The following PCDHGA5 variants were observed in gnomAD, a reference collection of about 807,000 sequenced individuals.
The protein encoded by PCDHGA5 is protocadherin gamma-A5.
PCDHGA5 carries 36 observed loss-of-function variants against 56.7 expected under a neutral mutation model. The observed-to-expected ratio is 0.64, with a 90% CI of 0.49 to 0.84. PCDHGA5 has a LOEUF of 0.84. PCDHGA5 is among the 40% of genes least tolerant of loss of function. The probability of loss-of-function intolerance (pLI) is 0.00; values close to 1 mark genes in which losing one functional copy is unlikely to be tolerated. For synonymous variants in PCDHGA5, 563 were observed against 520.2 expected (o/e 1.08, Z -1.12); for missense variants, 1,305 against 1,201.5 (o/e 1.09, Z -1.27).
At chr5:141,474,658 A>G (rs950490550) in intron 1 of PCDHGA5, among the ~76,000 whole-genome samples, 13 of 152,176 alleles carry the variant, frequency 8.5e-5, no homozygotes, top group African/African-American at 3.1e-4. Flanking sequence ...CTTCTTTTCT[A>G]CCTACCTAAC....
chr5:141,424,055 C>A, intron 1 of PCDHGA5: 2 of 1,007,784 alleles, frequency 2.0e-6, no homozygotes, highest in Non-Finnish European at 1.2e-6. Context: ...TTTTGCTGTG[C>A]CTTCACTGAT....
chr5:141,415,305 C>G (rs200439097), intron 1 of PCDHGA5: 1 of 1,614,234 alleles, frequency 6.2e-7, no homozygotes, highest in African/African-American at 1.3e-5. Context: ...TCTTCCTGGC[C>G]TTCGTCATCG....
chr5:141,400,462 G>T lies in PCDHGA5; in HGVS notation c.2421+33711G>T, dbSNP rs141917215. 2.3e-4 allele frequency: 379 copies of T among 1,614,062 alleles called. 2 individuals carry two copies. The African/African-American group carries it at 4.7e-3, about 20-fold the overall frequency. The stretch of plus-strand genomic sequence containing the variant: ...TTCAGGACAAGACATACTTTGTGGT[G>T]ATTCATCTGGGGCCTTATTTCCACT... On this transcript the variant is annotated intron_variant, in intron 1 of 3. Transcript: ENST00000518069.
chr5:141,399,830 C>G (rs1304936728), intron 1 of PCDHGA5: 1 of 1,613,192 alleles, frequency 6.2e-7, no homozygotes. Flanking sequence ...CCCGACGGCT[C>G]TGCGCTCTTC....
At chr5:141,465,229 A>G (rs1010075158) in intron 1 of PCDHGA5, among the ~76,000 whole-genome samples, 6 of 152,208 alleles carry the variant, frequency 3.9e-5, no homozygotes, top group Non-Finnish European at 2.9e-5. Flanking sequence ...CATGAGCTCC[A>G]TCAAGTTCAA....
intron 1 of PCDHGA5, chr5:141,423,296 T>G (rs771340929): frequency 6.2e-7 from 1 of 1,614,124 alleles, no homozygotes; most frequent in Non-Finnish European, 8.5e-7. Context: ...ACCTCAGACC[T>G]CTCGCTGTAC....
chr5:141,389,873 C>T (rs767569258), intron 1 of PCDHGA5: 2 of 1,614,070 alleles, frequency 1.2e-6, no homozygotes, highest in Admixed American at 1.7e-5. Context: ...TGGTCTTCGC[C>T]GACAGCTTGC....
chr5:141,509,699 C>T (rs779592471), intron 3 of PCDHGA5, among the ~76,000 whole-genome samples: 4 of 152,168 alleles, frequency 2.6e-5, no homozygotes, highest in Non-Finnish European at 5.9e-5. Flanking sequence ...GGACGTTGGA[C>T]TGGAGGTGCT....
intron 1 of PCDHGA5, among the ~76,000 whole-genome samples, chr5:141,463,725 C>A (rs1259646105): frequency 6.6e-6 from 1 of 152,026 alleles, no homozygotes. Flanking sequence ...GGATTACAGG[C>A]ATGAGCCACC....
intron 1 of PCDHGA5, chr5:141,418,165 T>G (rs1296752918): frequency 6.2e-7 from 1 of 1,614,034 alleles, no homozygotes. Flanking sequence ...GAAGAAGATG[T>G]GAGTTGCAAT....
chr5:141,376,310 G>C, intron 1 of PCDHGA5: 1 of 1,613,946 alleles, frequency 6.2e-7, no homozygotes. Flanking sequence ...CTTTGTGGGC[G>C]TGGAAGGGGT....
Position 141,476,966 on chromosome 5 carries a change from G to T in PCDHGA5, c.2422-17841G>T, listed in dbSNP as rs780645226. The T allele has an allele frequency of 6.2e-7, 1 of 1,614,152 alleles. No homozygotes were observed. Among genetic ancestry groups the T allele is most frequent in the Admixed American group, 1.7e-5 (1 of 60,032 alleles). On this transcript the variant is annotated intron_variant, in intron 1 of 3. Coordinates refer to ENST00000518069, the MANE Select transcript of PCDHGA5 (RefSeq NM_018918.3). The surrounding 1 kb of genome is among the most constrained non-coding windows in gnomAD (Gnocchi z 7.6). Reference sequence around the variant, plus strand: ...CAACGGTGAAATTATTTACTCCTTCGGCAGCCACAACCGCGCCGGCGTGCG... The same window carrying T: ...CAACGGTGAAATTATTTACTCCTTCTGCAGCCACAACCGCGCCGGCGTGCG...
chr5:141,371,913 G>A lies in PCDHGA5; in HGVS notation c.2421+5162G>A, dbSNP rs569737317. ...GCGGGAGCTGTCGTCCTACGTGTCC[G>A]TGAGCGCGCGGAGCGGGGTGGTGTT... is the stretch of plus-strand genomic sequence containing the variant. On this transcript the variant is annotated intron_variant, in intron 1 of 3. Transcript: ENST00000518069. 28 of 1,613,394 alleles carry A rather than the reference G, an allele frequency of 1.7e-5. No homozygotes were observed. The highest frequency in any genetic ancestry group is 1.6e-4 in the African/African-American group (12 of 75,086).
chr5:141,491,434 A>T lies in PCDHGA5; in HGVS notation c.2422-3373A>T. 6.2e-7 allele frequency: 1 copy of T among 1,614,032 alleles called. No homozygotes were observed. Among genetic ancestry groups the T allele is most frequent in the Non-Finnish European group, 8.5e-7 (1 of 1,179,988 alleles). On this transcript the variant is annotated intron_variant, in intron 1 of 3. Transcript: ENST00000518069. The surrounding 1 kb of genome is among the most constrained non-coding windows in gnomAD (Gnocchi z 6.9). ...GGACGGGGGTGGAGGGCAGTGCTGC[A>T]GGCGCCAGGACTCACCCTCCCCGGA...
At chr5:141,488,157 C>T (rs565677003) in intron 1 of PCDHGA5, among the ~76,000 whole-genome samples, 2 of 152,216 alleles carry the variant, frequency 1.3e-5, no homozygotes, top group South Asian at 2.1e-4. Context: ...TAGAGAGGCA[C>T]GCATCAGAGT....
At chr5:141,415,753 T>TG in intron 1 of PCDHGA5, 2 of 1,381,386 alleles carry the variant, frequency 1.4e-6, no homozygotes, top group Non-Finnish European at 1.9e-6. Context: ...TTTTTTTTTT[T>TG]TTTTTTTTTT....
rs1596259997 is a variant in PCDHGA5, at chr5:141,509,990, A to G, written c.2570-957A>G. Among the ~76,000 whole-genome samples the G allele has an allele frequency of 2.6e-5, 4 of 152,266 alleles. No individual in the cohort carries two copies. The South Asian group carries it at 8.3e-4, about 32-fold the overall frequency. ...GGTCCTTCTAACACTTGGTTCCCTC[A>G]TCTGTAAAATGAGGGTCATACCACA... is the stretch of plus-strand genomic sequence containing the variant. On this transcript the variant is annotated intron_variant, in intron 3 of 3. Transcript: ENST00000518069.
intron 1 of PCDHGA5, chr5:141,383,374 G>A (rs911594122): frequency 6.2e-7 from 1 of 1,614,028 alleles, no homozygotes; most frequent in Non-Finnish European, 8.5e-7. Flanking sequence ...CGAGGCTGGG[G>A]ATCCAGATGT....
Position 141,429,458 on chromosome 5 carries a change from T to C in PCDHGA5, c.2421+62707T>C, listed in dbSNP as rs561407449. 1.6e-4 allele frequency among the ~76,000 whole-genome samples: 25 copies of C among 152,210 alleles called. 1 individual carries two copies. The South Asian group carries it at 4.6e-3, about 28-fold the overall frequency. ...TCAAACTCTTGGGCTACAGTAATCC[T>C]CCCACCTCAATCTCCAGAGTAGCTG... On this transcript the variant is annotated intron_variant, in intron 1 of 3. Transcript: ENST00000518069.
Sources: allele counts gnomAD v4.1 joint callset (sites outside exome capture counted in the v4.1 genomes callset), GRCh38; gene constraint gnomAD v4.1.1; non-coding constraint Gnocchi (gnomAD v3.1); transcripts MANE v1.5; gene names NCBI Gene and HGNC (gene_info 2026-07-23, HGNC 2026-07-21).